The following STAU2 variants were observed in gnomAD, a reference collection of about 807,000 sequenced individuals.
STAU2 encodes double-stranded RNA-binding protein Staufen homolog 2.
STAU2 carries 20 observed loss-of-function variants against 65.9 expected under a neutral mutation model. That is an observed-to-expected ratio of 0.30 (90% confidence interval 0.21 to 0.44). STAU2 has a LOEUF of 0.44. Among genes scored for constraint, STAU2 ranks in the 20% least tolerant of loss-of-function variants. The probability of loss-of-function intolerance (pLI) is 1.00; values close to 1 mark genes in which losing one functional copy is unlikely to be tolerated. For synonymous variants in STAU2, 232 were observed against 233.9 expected (o/e 0.99, Z 0.07); for missense variants, 558 against 683.9 (o/e 0.82, Z 2.05).
In STAU2 at chr8:73,734,233, G is replaced by GTT. The variant is rs11370206; in HGVS notation, c.-18+4049_-18+4050dup. ...TTTTTTTGTTTGTTTTTCAGGGTTT[G>GTT]TTTTTTTTTTTTTTTGCTTATCACA... On this transcript the variant is annotated intron_variant, in intron 3 of 14. Transcript: ENST00000524300. 9.4e-3 allele frequency among the ~76,000 whole-genome samples: 1,242 copies of GTT among 131,440 alleles called. 17 individuals carry two copies. The highest frequency in any genetic ancestry group is 0.024 in the African/African-American group (830 of 35,246). The allele number at this position is 131,440 out of a possible 152,430, so 86.2% of individuals were successfully genotyped here. A position where few individuals can be genotyped will look rare whatever the true frequency, so the allele number is the denominator to read the frequency against.
intron 13 of STAU2, among the ~76,000 whole-genome samples, chr8:73,476,502 G>A (rs1820333945): frequency 6.6e-6 from 1 of 152,050 alleles, no homozygotes; most frequent in Admixed American, 6.6e-5. Flanking sequence ...TGTATTATGG[G>A]TAATGTACTA....
intron 3 of STAU2, among the ~76,000 whole-genome samples, chr8:73,723,439 G>GTCTAAAACA (rs1821821175): frequency 1.3e-5 from 2 of 152,138 alleles, no homozygotes. Flanking sequence ...TATGGCTTAA[G>GTCTAAAACA]TCTAAAACAT....
intron 6 of STAU2, among the ~76,000 whole-genome samples, chr8:73,638,371 A>C (rs1814705597): frequency 6.8e-6 from 1 of 148,058 alleles, no homozygotes; most frequent in Non-Finnish European, 1.5e-5. Context: ...AATAATAGCT[A>C]TTTCTATCCC....
At chr8:73,444,613 T>TC (rs1405967787) in intron 13 of STAU2, among the ~76,000 whole-genome samples, 4 of 152,048 alleles carry the variant, frequency 2.6e-5, no homozygotes, top group African/African-American at 9.7e-5. Context: ...CTCTGTTCTA[T>TC]CCCCCCATGG....
At chr8:73,453,767 A>T (rs1251688382) in intron 13 of STAU2, among the ~76,000 whole-genome samples, 1 of 152,090 alleles carries the variant, frequency 6.6e-6, no homozygotes, top group African/African-American at 2.4e-5. Flanking sequence ...CTCTGGTAGT[A>T]CAAATAACAT....
intron 6 of STAU2, among the ~76,000 whole-genome samples, chr8:73,661,408 A>G (rs1294430267): frequency 7.6e-6 from 1 of 130,992 alleles, no homozygotes; most frequent in Admixed American, 7.3e-5. Flanking sequence ...TTTTAGCCTC[A>G]AAGAAAATGG....
chr8:73,605,051 T>C (rs1430827216), intron 9 of STAU2, among the ~76,000 whole-genome samples: 1 of 152,110 alleles, frequency 6.6e-6, no homozygotes, highest in Admixed American at 6.6e-5. Context: ...CATGTTCATA[T>C]AATGGAATGG....
intron 5 of STAU2, among the ~76,000 whole-genome samples, chr8:73,677,071 T>C (rs1345619366): frequency 2.6e-5 from 4 of 152,148 alleles, no homozygotes; most frequent in Non-Finnish European, 5.9e-5. Flanking sequence ...GGAAAAACAT[T>C]CCAACCAGCA....
chr8:73,458,026 T>C (rs906967942), intron 13 of STAU2, among the ~76,000 whole-genome samples: 5 of 152,196 alleles, frequency 3.3e-5, no homozygotes, highest in African/African-American at 1.2e-4. Flanking sequence ...TTCAATATTT[T>C]AACAACCTAT....
intron 13 of STAU2, among the ~76,000 whole-genome samples, chr8:73,429,350 A>G (rs990695153): frequency 1.4e-5 from 2 of 147,168 alleles, no homozygotes; most frequent in African/African-American, 5.0e-5. Context: ...AACCTACTTA[A>G]GGTCACACAG....
At chr8:73,543,658 T>C (rs1418700694) in intron 13 of STAU2, among the ~76,000 whole-genome samples, 4 of 152,186 alleles carry the variant, frequency 2.6e-5, no homozygotes, top group East Asian at 1.9e-4. Context: ...TGTTAGCTCA[T>C]TGAGGGCAGA....
chr8:73,740,893 C>T (rs904175214), intron 1 of STAU2, among the ~76,000 whole-genome samples: 2 of 151,104 alleles, frequency 1.3e-5, no homozygotes, highest in Non-Finnish European at 2.9e-5. Flanking sequence ...CCCAGCTACT[C>T]GGGAGGCTGA....
intron 5 of STAU2, among the ~76,000 whole-genome samples, chr8:73,676,072 T>TA (rs1255320645): frequency 4.6e-5 from 7 of 151,340 alleles, no homozygotes; most frequent in Non-Finnish European, 8.8e-5. Flanking sequence ...TTCCATAGTT[T>TA]AAAAAAAAAT....
intron 13 of STAU2, among the ~76,000 whole-genome samples, chr8:73,506,986 T>A (rs1170754043): frequency 1.3e-5 from 2 of 152,192 alleles, no homozygotes. Context: ...ATCTTCAGGT[T>A]CCATTTTTAA....
chr8:73,489,682 G>A (rs939135755), intron 13 of STAU2, among the ~76,000 whole-genome samples: 2 of 152,020 alleles, frequency 1.3e-5, no homozygotes, highest in African/African-American at 4.8e-5. Flanking sequence ...AGTACCATTT[G>A]CTCTAAAGCA....
chr8:73,484,437 A>G (rs1374805536), intron 13 of STAU2, among the ~76,000 whole-genome samples: 1 of 152,100 alleles, frequency 6.6e-6, no homozygotes, highest in African/African-American at 2.4e-5. Flanking sequence ...GGAAATTCTT[A>G]GTCTTTAAAA....
chr8:73,490,283 G>C (rs996097886), intron 13 of STAU2, among the ~76,000 whole-genome samples: 37 of 152,022 alleles, frequency 2.4e-4, no homozygotes, highest in African/African-American at 8.9e-4. Flanking sequence ...TGGACACCGC[G>C]CAACCCTCTG....
intron 1 of STAU2, among the ~76,000 whole-genome samples, chr8:73,742,895 C>T (rs1806983978): frequency 6.6e-6 from 1 of 152,070 alleles, no homozygotes. Context: ...CTTTATAAAA[C>T]GGCACTGTTA....
chr8:73,747,269 C>T, upstream of STAU2: 7 of 1,264,222 alleles, frequency 5.5e-6, no homozygotes, highest in Non-Finnish European at 7.6e-6. Context: ...CCCTCGTCTG[C>T]CAAGGGTGGG....
Sources: allele counts gnomAD v4.1 joint callset (sites outside exome capture counted in the v4.1 genomes callset), GRCh38; gene constraint gnomAD v4.1.1; transcripts MANE v1.5; gene names NCBI Gene and HGNC (gene_info 2026-07-23, HGNC 2026-07-21).